Variants in SULF1 observed in about 807,000 individuals in gnomAD.
SULF1 encodes the protein sulfatase 1, also known as extracellular sulfatase Sulf-1.
SULF1 carries 46 observed loss-of-function variants against 110.5 expected under a neutral mutation model. That is an observed-to-expected ratio of 0.42 (90% CI 0.33 to 0.53). The LOEUF is 0.53. SULF1 is among the 20% of genes least tolerant of loss of function. The pLI, the probability that SULF1 is intolerant of heterozygous loss-of-function variation, is 0.12. For synonymous variants in SULF1, 371 were observed against 387.1 expected, an observed-to-expected ratio of 0.96 and a Z score of 0.49; for missense variants, 941 against 1,094.2, an observed-to-expected ratio of 0.86 and a Z score of 1.98.
chr8:69,530,818 C>T (rs578144770), intron 3 of SULF1, among the ~76,000 whole-genome samples: 1 of 152,322 alleles, frequency 6.6e-6, no homozygotes, highest in East Asian at 1.9e-4. Context: ...GGTTAGCCAA[C>T]ATGTCAAGTT....
intron 1 of SULF1, among the ~76,000 whole-genome samples, chr8:69,480,010 CT>C (rs370863439): frequency 0.017 from 2,528 of 145,960 alleles, 72 homozygotes; most frequent in African/African-American, 0.058. Flanking sequence ...CAAGAAAAAG[CT>C]TTTTTTTTTT....
chr8:69,577,969 G>A (rs1805739750), intron 6 of SULF1, among the ~76,000 whole-genome samples: 1 of 152,134 alleles, frequency 6.6e-6, no homozygotes. Context: ...TGAGGACCCT[G>A]GCAAACAGAA....
At chr8:69,562,368 A>G (rs946490579) in intron 3 of SULF1, among the ~76,000 whole-genome samples, 1 of 152,210 alleles carries the variant, frequency 6.6e-6, no homozygotes, top group African/African-American at 2.4e-5. Flanking sequence ...TCCTCCTGCT[A>G]TGCGATGCTT....
intron 13 of SULF1, among the ~76,000 whole-genome samples, chr8:69,610,673 G>A (rs1439986752): frequency 6.6e-6 from 1 of 152,140 alleles, no homozygotes; most frequent in Non-Finnish European, 1.5e-5. Flanking sequence ...TGACTTCTGT[G>A]CATTTGTTCT....
At chr8:69,541,941 TCATC>T (rs1187462308) in intron 3 of SULF1, among the ~76,000 whole-genome samples, 1 of 152,196 alleles carries the variant, frequency 6.6e-6, no homozygotes, top group Admixed American at 6.5e-5. Flanking sequence ...TCTCAACACT[TCATC>T]CAAGCTATTG....
intron 8 of SULF1, chr8:69,592,795 T>A (rs1185585715): frequency 1.0e-5 from 4 of 382,972 alleles, no homozygotes; most frequent in Admixed American, 1.3e-4. Context: ...GTGGCTCAAC[T>A]TAAGGTTTAG....
rs370002576 is a variant in SULF1, at chr8:69,601,971, A to T, written c.1061+142A>T. ...TAGGCTGGTTAATTTCGAAGATGAA[A>T]ACCTTTTCCTCCCTGCCACATCTTA... On this transcript the variant is annotated intron_variant, in intron 10 of 22. Transcript: ENST00000402687. 5 of 807,836 alleles carry T rather than the reference A, an allele frequency of 6.2e-6. No homozygotes were observed. In the African/African-American group the frequency reaches 8.8e-5, roughly 14 times the overall value. 50.0% of individuals were successfully genotyped at this position (807,836 alleles called of 1,614,324 possible). A position where few individuals can be genotyped will look rare whatever the true frequency, so the allele number is the denominator to read the frequency against.
intron 1 of SULF1, among the ~76,000 whole-genome samples, chr8:69,494,325 G>A (rs1410714125): frequency 6.6e-6 from 1 of 152,114 alleles, no homozygotes; most frequent in Admixed American, 6.5e-5. Flanking sequence ...TGCTCAGTAT[G>A]TTATATGATA....
At position 69,563,968 on chromosome 8, in the gene SULF1, CA is replaced by C; in HGVS notation, c.-5del. On this transcript the variant is annotated 5_prime_UTR_variant, in exon 5 of 23. Transcript: ENST00000402687. Reference sequence around the variant, plus strand: ...TTTTGTCAGTTTTGCAACATTGGACCAAATACAATGAAGTATTCTTGCTGTG... The same window carrying C: ...TTTTGTCAGTTTTGCAACATTGGACCAATACAATGAAGTATTCTTGCTGTG... 1 of 1,613,388 alleles carries C rather than the reference CA, an allele frequency of 6.2e-7. No individual in the cohort carries two copies. Among genetic ancestry groups the C allele is most frequent in the East Asian group, 2.2e-5 (1 of 44,874 alleles).
chr8:69,476,525 A>C (rs116361963), intron 1 of SULF1, among the ~76,000 whole-genome samples: 1 of 152,214 alleles, frequency 6.6e-6, no homozygotes, highest in Admixed American at 6.5e-5. Flanking sequence ...TGGAACTGAA[A>C]TGTAGCCCTG....
chr8:69,608,452 G>A (rs983094182), intron 13 of SULF1, among the ~76,000 whole-genome samples: 2 of 152,200 alleles, frequency 1.3e-5, no homozygotes, highest in African/African-American at 4.8e-5. Context: ...GCCCGAGGCG[G>A]GCAGATCATC....
At chr8:69,573,057 C>T (rs1443577679) in intron 5 of SULF1, among the ~76,000 whole-genome samples, 4 of 152,220 alleles carry the variant, frequency 2.6e-5, no homozygotes, top group South Asian at 2.1e-4. Context: ...GAATTCCCCG[C>T]CTCAGGTGAT....
intron 3 of SULF1, among the ~76,000 whole-genome samples, chr8:69,557,177 A>C (rs1171009914): frequency 2.0e-5 from 3 of 152,182 alleles, no homozygotes; most frequent in Non-Finnish European, 4.4e-5. Context: ...TTCTTTTGGA[A>C]ATCCAGTTGT....
chr8:69,658,508 A>G lies in SULF1; in HGVS notation c.2589A>G (p.Gly863=). The change falls in exon 23 of 23, where the codon GGA becomes GGG. Residue 863 remains glycine, a synonymous_variant. Coordinates refer to ENST00000402687, the MANE Select transcript of SULF1 (RefSeq NM_001128205.2). ...ACCTTCTTCTCTCTTTTCACAGAGG[A>G]CAGTTATGGGATGGATGGGAAGGTT... is the stretch of plus-strand genomic sequence containing the variant. ...KDGGSYDLHR[G]QLWDGWEG is the part of the protein sequence containing the mutation. 6.3e-7 allele frequency: 1 copy of G among 1,593,830 alleles called. No homozygotes were observed. The highest frequency in any genetic ancestry group is 8.5e-7 in the Non-Finnish European group (1 of 1,169,950).
intron 8 of SULF1, among the ~76,000 whole-genome samples, chr8:69,591,526 T>C (rs1475535227): frequency 1.3e-5 from 2 of 150,728 alleles, no homozygotes; most frequent in Non-Finnish European, 3.0e-5. Context: ...ATCGCACCAC[T>C]GCACTCCAGC....
intron 12 of SULF1, 131 bp from the exon 13 acceptor site, chr8:69,604,671 CT>C (rs1419982464): frequency 1.7e-6 from 2 of 1,175,640 alleles, no homozygotes; most frequent in African/African-American, 3.1e-5. Flanking sequence ...GTAGACAGAG[CT>C]TTAACATCTA....
At chr8:69,567,244 C>T (rs533728856) in intron 5 of SULF1, among the ~76,000 whole-genome samples, 14 of 152,220 alleles carry the variant, frequency 9.2e-5, no homozygotes, top group Admixed American at 1.3e-4. Context: ...GTCATGCTCT[C>T]GGTAGTGGTT....
At chr8:69,568,846 T>G (rs1339201969) in intron 5 of SULF1, among the ~76,000 whole-genome samples, 1 of 152,232 alleles carries the variant, frequency 6.6e-6, no homozygotes, top group Non-Finnish European at 1.5e-5. Flanking sequence ...CATCAGTACA[T>G]TCACATTCTA....
At chr8:69,603,354 A>C (rs1807985692) in intron 11 of SULF1, 34 bp downstream of exon 11, 2 of 1,613,428 alleles carry the variant, frequency 1.2e-6, no homozygotes, top group Non-Finnish European at 8.5e-7. Context: ...GCCAGCCCCA[A>C]ATACACTGAG....
Sources: gnomAD v4.1 joint callset for allele counts (sites outside exome capture counted in the v4.1 genomes callset) on GRCh38, gnomAD v4.1.1 for gene constraint, MANE v1.5 for transcripts, NCBI Gene and HGNC (gene_info 2026-07-23, HGNC 2026-07-21) for gene names.